Variants in HIVEP3 observed in about 807,000 individuals in gnomAD.
HIVEP3 encodes transcription factor HIVEP3.
HIVEP3 carries 49 observed loss-of-function variants against 152.8 expected under a neutral mutation model. The observed-to-expected ratio is 0.32, with a 90% CI of 0.26 to 0.41. The LOEUF is 0.41. HIVEP3 is among the 10% of genes least tolerant of loss of function. The probability of loss-of-function intolerance (pLI) is 1.00; values close to 1 mark genes in which losing one functional copy is unlikely to be tolerated. For synonymous variants in HIVEP3, 1,269 were observed against 1,289.0 expected (o/e 0.98, Z 0.33); for missense variants, 2,790 against 3,103.3 (o/e 0.90, Z 2.40).
intron 5 of HIVEP3, among the ~76,000 whole-genome samples, chr1:41,562,973 T>A (rs1486788852): frequency 6.7e-6 from 1 of 149,360 alleles, no homozygotes; most frequent in East Asian, 2.0e-4. Context: ...AGCCTGGAGG[T>A]TTCTTCTCTG....
chr1:41,787,378 C>G (rs1266000472), intron 1 of HIVEP3, among the ~76,000 whole-genome samples: 1 of 152,132 alleles, frequency 6.6e-6, no homozygotes, highest in Non-Finnish European at 1.5e-5. Flanking sequence ...CTCAGTTGTA[C>G]CAGTTACATT....
At position 41,583,033 on chromosome 1, in the gene HIVEP3, G is replaced by A. The variant is rs1279731758; in HGVS notation, c.1765C>T (p.Arg589Cys). 1.9e-6 allele frequency: 3 copies of A among 1,613,954 alleles called. No homozygotes were observed. The highest frequency in any genetic ancestry group is 2.5e-6 in the Non-Finnish European group (3 of 1,180,042). ...AAAGGTAATTCGATTGCCGGCTGGC[G>A]CTTCAGCATCCGGGGGTGGGAGGTA... is the stretch of plus-strand genomic sequence containing the variant. Reference protein sequence around the residue: ...VFTSHPRMLKRQPAIELPLGG... With the variant: ...VFTSHPRMLKCQPAIELPLGG... Residue 589 changes from arginine (R) to cysteine (C), a missense_variant, in exon 4 of 9, where the codon CGC becomes TGC. Arg to Cys is a radical substitution (Grantham distance 180). This residue lies in a region of HIVEP3 where 339 missense variants were observed against 327.0 expected (regional missense o/e 1.04). Coordinates refer to ENST00000372583, the MANE Select transcript of HIVEP3 (RefSeq NM_024503.5). The surrounding 1 kb of genome is among the most constrained non-coding windows in gnomAD (Gnocchi z 6.9).
chr1:41,539,393 A>G (rs1027530749), intron 5 of HIVEP3, among the ~76,000 whole-genome samples: 1 of 152,238 alleles, frequency 6.6e-6, no homozygotes, highest in South Asian at 2.1e-4. Flanking sequence ...CTCCAGTCTC[A>G]GCATTTCCAT....
intron 1 of HIVEP3, among the ~76,000 whole-genome samples, chr1:41,716,229 G>T (rs1014733274): frequency 7.9e-5 from 12 of 152,220 alleles, no homozygotes; most frequent in African/African-American, 2.9e-4. Context: ...GGCTGGCTGG[G>T]CTGGGTGAAC....
intron 3 of HIVEP3, among the ~76,000 whole-genome samples, chr1:41,610,393 C>T (rs1308210705): frequency 1.3e-5 from 2 of 152,172 alleles, no homozygotes; most frequent in Admixed American, 6.5e-5. Flanking sequence ...TCTTTTAGGC[C>T]AAGGAGCCAG....
At chr1:41,596,541 A>G (rs1270577152) in intron 3 of HIVEP3, among the ~76,000 whole-genome samples, 1 of 152,234 alleles carries the variant, frequency 6.6e-6, no homozygotes, top group African/African-American at 2.4e-5. Context: ...TGGCCTGGGC[A>G]GGAACTAGGC....
chr1:41,986,533 C>T (rs941109268), intron 1 of HIVEP3, among the ~76,000 whole-genome samples: 3 of 151,640 alleles, frequency 2.0e-5, no homozygotes, highest in South Asian at 2.1e-4. Context: ...CTCCGCTTCC[C>T]GAGTTCCCAC....
chr1:41,588,337 G>A (rs941276169), intron 3 of HIVEP3, among the ~76,000 whole-genome samples: 5 of 152,248 alleles, frequency 3.3e-5, no homozygotes, highest in Non-Finnish European at 7.4e-5. Flanking sequence ...TGCTTCTTCC[G>A]ATGGATGGAT....
chr1:41,837,041 C>T lies in HIVEP3; in HGVS notation c.-801+81372G>A, dbSNP rs953336864. ...GCCTACAAGAGCCTATAGGATTGGGCCTTGCCCTTCTCTTCAGCTTCATCT... is the reference window on the plus strand; with the variant it reads ...GCCTACAAGAGCCTATAGGATTGGGTCTTGCCCTTCTCTTCAGCTTCATCT... On this transcript the variant is annotated intron_variant, in intron 1 of 8. Coordinates refer to ENST00000372583, the MANE Select transcript of HIVEP3 (RefSeq NM_024503.5). 2.0e-5 allele frequency among the ~76,000 whole-genome samples: 3 copies of T among 152,196 alleles called. No individual in the cohort carries two copies. The East Asian group carries it at 5.8e-4, about 29-fold the overall frequency.
chr1:41,516,810 C>G (rs549433293), intron 7 of HIVEP3, among the ~76,000 whole-genome samples: 1 of 152,378 alleles, frequency 6.6e-6, no homozygotes, highest in East Asian at 1.9e-4. Flanking sequence ...GGCTCCTGAC[C>G]CCGGTTCCTC....
Position 41,510,961 on chromosome 1 carries a change from C to T in HIVEP3, c.6711G>A (p.Glu2237=), listed in dbSNP as rs765730736. Residue 2237 remains glutamate, a synonymous_variant, in exon 9 of 9, where the codon GAG becomes GAA. Coordinates refer to ENST00000372583, the MANE Select transcript of HIVEP3 (RefSeq NM_024503.5). The stretch of plus-strand genomic sequence containing the variant: ...GACTCCAGCGGCCTCGCTCCTGGGC[C>T]TCCCGGGCCCCTGTCAGGTCGCTGC... ...GGGSDLTGAR[E]AQERGRWSPT... 6.2e-7 allele frequency: 1 copy of T among 1,613,604 alleles called. No homozygotes were observed. The highest frequency in any genetic ancestry group is 1.1e-5 in the South Asian group (1 of 91,078).
chr1:41,739,625 C>T (rs951616174), intron 1 of HIVEP3, among the ~76,000 whole-genome samples: 12 of 152,194 alleles, frequency 7.9e-5, no homozygotes, highest in South Asian at 4.1e-4. Flanking sequence ...CTTCCTCAGG[C>T]GCTCCTTCCA....
intron 1 of HIVEP3, among the ~76,000 whole-genome samples, chr1:41,888,202 A>ATTTTTTTTTT (rs61561436): frequency 6.0e-4 from 60 of 99,186 alleles, no homozygotes; most frequent in Non-Finnish European, 7.0e-4. Context: ...CGCCCGGCTA[A>ATTTTTTTTTT]TTTTTTTTTT....
chr1:41,584,083 T>G lies in HIVEP3; in HGVS notation c.715A>C (p.Arg239=), dbSNP rs1644465662. ...TTGATGCGGTGGGCATGGGACTTCC[T>G]GTGCTTGTAGAGATTACTCTTGGTC... The part of the protein sequence containing the change: ...FKTKSNLYKH[R]KSHAHRIKAG... Residue 239 remains arginine, a synonymous_variant, in exon 4 of 9, where the codon AGG becomes CGG. Transcript: ENST00000372583. This position sits in a 1 kb window ranked among gnomAD's most constrained non-coding sequence, Gnocchi z 5.2. 1 of 1,614,052 alleles carries G rather than the reference T, an allele frequency of 6.2e-7. No individual in the cohort carries two copies. The highest frequency in any genetic ancestry group is 1.3e-5 in the African/African-American group (1 of 74,936).
At chr1:41,588,735 C>T (rs903952185) in intron 3 of HIVEP3, among the ~76,000 whole-genome samples, 7 of 152,154 alleles carry the variant, frequency 4.6e-5, no homozygotes, top group Admixed American at 6.5e-5. Flanking sequence ...GCAGAGTGAG[C>T]GAGGCCTGTG....
chr1:41,880,120 C>G (rs544765395), intron 1 of HIVEP3, among the ~76,000 whole-genome samples: 1 of 152,062 alleles, frequency 6.6e-6, no homozygotes, highest in Admixed American at 6.5e-5. Context: ...AGTGTAGTGG[C>G]GTGATCATAG....
At chr1:41,973,992 G>A (rs974383142) in intron 1 of HIVEP3, among the ~76,000 whole-genome samples, 2 of 152,208 alleles carry the variant, frequency 1.3e-5, no homozygotes, top group African/African-American at 4.8e-5. Context: ...GGCATGCAAG[G>A]TGAGGGGACA....
chr1:41,771,686 T>A (rs11580333), intron 1 of HIVEP3, among the ~76,000 whole-genome samples: 64,279 of 151,910 alleles, frequency 0.42, 15,338 homozygotes, highest in Non-Finnish European at 0.54. Flanking sequence ...TTTTGTTTTT[T>A]GAGATGGAGT....
At chr1:41,865,761 A>T (rs1198224329) in intron 1 of HIVEP3, 1 of 152,212 alleles carries the variant, frequency 6.6e-6, no homozygotes, top group African/African-American at 2.4e-5. Context: ...AAGTCTTAAA[A>T]GTTAAAATTT....
Sources: allele counts gnomAD v4.1 joint callset (sites outside exome capture counted in the v4.1 genomes callset), GRCh38; gene constraint gnomAD v4.1.1; regional missense constraint gnomAD v4.1.1; non-coding constraint Gnocchi (gnomAD v3.1); transcripts MANE v1.5; gene names NCBI Gene and HGNC (gene_info 2026-07-23, HGNC 2026-07-21).